Variants in CNTN5 observed in about 807,000 individuals in gnomAD.
CNTN5 encodes contactin-5.
CNTN5 carries 77 observed loss-of-function variants against 129.1 expected under a neutral mutation model. The observed-to-expected ratio is 0.60, with a 90% confidence interval of 0.50 to 0.72. CNTN5 has a LOEUF of 0.72. Among genes scored for constraint, CNTN5 ranks in the 30% least tolerant of loss-of-function variants. The pLI, the probability that CNTN5 is intolerant of heterozygous loss-of-function variation, is 0.00. For synonymous variants in CNTN5, 509 were observed against 465.6 expected (o/e 1.09, Z -1.20); for missense variants, 1,478 against 1,328.8 (o/e 1.11, Z -1.75).
chr11:99,829,606 C>T (rs371366803), intron 4 of CNTN5, among the ~76,000 whole-genome samples: 20 of 152,134 alleles, frequency 1.3e-4, no homozygotes, highest in Admixed American at 2.0e-4. Flanking sequence ...GTTTTCAACC[C>T]GATACTGTTA....
chr11:99,994,371 G>A (rs1453447896), intron 8 of CNTN5, among the ~76,000 whole-genome samples: 1 of 152,084 alleles, frequency 6.6e-6, no homozygotes, highest in Admixed American at 6.6e-5. Context: ...TAATATAAAA[G>A]TGGGTTCTAC....
At chr11:99,498,990 T>C (rs1217309379) in intron 2 of CNTN5, among the ~76,000 whole-genome samples, 1 of 152,180 alleles carries the variant, frequency 6.6e-6, no homozygotes, top group East Asian at 1.9e-4. Context: ...GCTCTACCTC[T>C]GATGTTTGCA....
At chr11:99,381,366 A>G (rs1225602944) in intron 2 of CNTN5, among the ~76,000 whole-genome samples, 1 of 152,194 alleles carries the variant, frequency 6.6e-6, no homozygotes, top group Non-Finnish European at 1.5e-5. Context: ...TGATTTATTC[A>G]GATTTTTTTA....
At chr11:100,243,855 C>A (rs527999623) in intron 16 of CNTN5, among the ~76,000 whole-genome samples, 1 of 152,030 alleles carries the variant, frequency 6.6e-6, no homozygotes, top group Non-Finnish European at 1.5e-5. Context: ...ATCTTCTCAC[C>A]CCTGTACTTC....
At chr11:99,855,011 T>C (rs1947989621) in intron 6 of CNTN5, among the ~76,000 whole-genome samples, 2 of 152,052 alleles carry the variant, frequency 1.3e-5, no homozygotes, top group Non-Finnish European at 2.9e-5. Context: ...AAAGTAACTC[T>C]CAAAAAAGAC....
chr11:99,498,677 T>C (rs768035150), intron 2 of CNTN5, among the ~76,000 whole-genome samples: 21 of 152,182 alleles, frequency 1.4e-4, no homozygotes, highest in Non-Finnish European at 2.8e-4. Flanking sequence ...TTATATCTCA[T>C]ACCTGTGTCA....
chr11:99,811,233 G>T (rs1230440147), intron 3 of CNTN5, among the ~76,000 whole-genome samples: 15 of 151,746 alleles, frequency 9.9e-5, no homozygotes, highest in African/African-American at 3.4e-4. Flanking sequence ...TTTTAGGAGC[G>T]GTAAATTTTC....
At chr11:99,906,541 G>T (rs189206789) in intron 6 of CNTN5, among the ~76,000 whole-genome samples, 2 of 152,212 alleles carry the variant, frequency 1.3e-5, no homozygotes, top group Non-Finnish European at 2.9e-5. Flanking sequence ...TGCTGGATTT[G>T]GTTTGCCAAT....
chr11:99,368,442 G>A (rs1939599409), intron 2 of CNTN5, among the ~76,000 whole-genome samples: 1 of 150,834 alleles, frequency 6.6e-6, no homozygotes, highest in South Asian at 2.1e-4. Context: ...GGGAGTTTGA[G>A]ACCAGCCTGG....
At chr11:99,940,432 G>A (rs1364531796) in intron 7 of CNTN5, among the ~76,000 whole-genome samples, 1 of 152,128 alleles carries the variant, frequency 6.6e-6, no homozygotes, top group African/African-American at 2.4e-5. Context: ...GAGGAGTATA[G>A]TATTTCAAAG....
chr11:99,566,535 G>A (rs995177240), intron 3 of CNTN5, among the ~76,000 whole-genome samples: 12 of 151,936 alleles, frequency 7.9e-5, no homozygotes, highest in Admixed American at 3.3e-4. Flanking sequence ...TACTACTGTC[G>A]TCATTTTTTT....
intron 11 of CNTN5, among the ~76,000 whole-genome samples, chr11:100,071,251 G>C (rs974242972): frequency 1.3e-5 from 2 of 152,040 alleles, no homozygotes; most frequent in Admixed American, 6.6e-5. Context: ...GCAAACTCCT[G>C]ATTGGATCCA....
intron 1 of CNTN5, among the ~76,000 whole-genome samples, chr11:99,191,747 T>A (rs969875230): frequency 2.6e-5 from 4 of 151,660 alleles, no homozygotes; most frequent in East Asian, 3.9e-4. Flanking sequence ...GAGATAAATT[T>A]AAAAATATCC....
intron 3 of CNTN5, among the ~76,000 whole-genome samples, chr11:99,807,060 T>C (rs1409699609): frequency 1.3e-5 from 2 of 152,076 alleles, no homozygotes; most frequent in Non-Finnish European, 2.9e-5. Context: ...ATATATAATT[T>C]AATGATGAAA....
chr11:99,119,407 T>A (rs1336940670), intron 1 of CNTN5, among the ~76,000 whole-genome samples: 1 of 152,202 alleles, frequency 6.6e-6, no homozygotes, highest in Non-Finnish European at 1.5e-5. Context: ...TTTCTGTTGC[T>A]GTGTTAGTTT....
intron 3 of CNTN5, among the ~76,000 whole-genome samples, chr11:99,816,769 C>T (rs1177125499): frequency 6.6e-6 from 1 of 152,146 alleles, no homozygotes; most frequent in Non-Finnish European, 1.5e-5. Flanking sequence ...GTTTCATCAT[C>T]GGCACCTTGT....
At chr11:100,181,910 G>A (rs1948149096) in intron 13 of CNTN5, among the ~76,000 whole-genome samples, 1 of 152,008 alleles carries the variant, frequency 6.6e-6, no homozygotes, top group African/African-American at 2.4e-5. Flanking sequence ...ATGACTCACT[G>A]AAGTTCCAAT....
intron 2 of CNTN5, among the ~76,000 whole-genome samples, chr11:99,387,835 G>T (rs574550003): frequency 6.6e-6 from 1 of 152,230 alleles, no homozygotes; most frequent in Admixed American, 6.5e-5. Flanking sequence ...ACTTTTTAGA[G>T]TAGTGAGTTG....
chr11:100,332,904 C>A (rs950793717), intron 21 of CNTN5, among the ~76,000 whole-genome samples: 1 of 152,136 alleles, frequency 6.6e-6, no homozygotes, highest in Non-Finnish European at 1.5e-5. Context: ...TGCCCACTCT[C>A]ACCACTTCTA....
Sources: allele counts gnomAD v4.1 joint callset (sites outside exome capture counted in the v4.1 genomes callset), GRCh38; gene constraint gnomAD v4.1.1; transcripts MANE v1.5; gene names NCBI Gene and HGNC (gene_info 2026-07-23, HGNC 2026-07-21).